The following MIS18BP1 variants were observed in gnomAD, a reference collection of about 807,000 sequenced individuals.
MIS18BP1 encodes the protein MIS18 binding protein 1, also known as mis18-binding protein 1.
Under a neutral mutation model 116.1 loss-of-function variants are expected in MIS18BP1, and 72 were observed. The ratio of observed to expected loss-of-function variants is 0.62; its 90% CI spans 0.51 to 0.75. The LOEUF is 0.75. Among genes scored for constraint, MIS18BP1 ranks in the 30% least tolerant of loss-of-function variants. The pLI is 0.00. For missense variants in MIS18BP1, 1,363 were observed against 1,303.2 expected (o/e 1.05, Z -0.71); for synonymous variants, 386 against 427.0 (o/e 0.90, Z 1.18).
At chr14:45,246,113 C>T (rs1158484302) in intron 2 of MIS18BP1, among the ~76,000 whole-genome samples, 2 of 152,160 alleles carry the variant, frequency 1.3e-5, no homozygotes, top group Non-Finnish European at 1.5e-5. Flanking sequence ...TCATTGTACA[C>T]AGTGGTTAAC....
At chr14:45,238,104 A>T (rs1427784470) in intron 4 of MIS18BP1, among the ~76,000 whole-genome samples, 1 of 146,778 alleles carries the variant, frequency 6.8e-6, no homozygotes, top group Non-Finnish European at 1.5e-5. Flanking sequence ...TTTGTCCTTA[A>T]AAAATTAAGA....
chr14:45,231,364 T>C (rs1891275130), intron 7 of MIS18BP1, 66 bp from the exon 8 acceptor site: 1 of 1,387,918 alleles, frequency 7.2e-7, no homozygotes, highest in Non-Finnish European at 9.7e-7. Flanking sequence ...AAAAAAAATC[T>C]TCATAAATAA....
intron 7 of MIS18BP1, among the ~76,000 whole-genome samples, chr14:45,232,176 G>C (rs1489879803): frequency 6.6e-6 from 1 of 151,988 alleles, no homozygotes; most frequent in Non-Finnish European, 1.5e-5. Flanking sequence ...CAGCACTTTG[G>C]GAGGCCAAGG....
intron 4 of MIS18BP1, among the ~76,000 whole-genome samples, 188 bp from the exon 5 acceptor site, chr14:45,237,909 A>G (rs947372250): frequency 6.6e-5 from 10 of 152,110 alleles, no homozygotes; most frequent in Non-Finnish European, 8.8e-5. Context: ...GAAACAGAAA[A>G]GAAAAGACTG....
chr14:45,209,390 C>T (rs545002947), intron 14 of MIS18BP1, among the ~76,000 whole-genome samples: 1 of 151,862 alleles, frequency 6.6e-6, no homozygotes, highest in Non-Finnish European at 1.5e-5. Context: ...GCAATTGTTG[C>T]AATCACAGCT....
In MIS18BP1 at chr14:45,218,401, G is replaced by A. The variant is rs548093620; in HGVS notation, c.2723C>T (p.Ala908Val). 1.8e-5 allele frequency: 29 copies of A among 1,613,686 alleles called. No homozygotes were observed. Among genetic ancestry groups the A allele is most frequent in the Admixed American group, 6.7e-5 (4 of 59,874 alleles). The change falls in exon 12 of 17, where the codon GCG becomes GTG. Residue 908 changes from alanine (A) to valine (V), a missense_variant. Coordinates refer to ENST00000310806, the MANE Select transcript of MIS18BP1 (RefSeq NM_018353.5). ...TTCAGGAGATCGAGAACCTACAGCCGCAGCTACCTCTGACCAGAAACCAGG... is the reference window on the plus strand; with the variant it reads ...TTCAGGAGATCGAGAACCTACAGCCACAGCTACCTCTGACCAGAAACCAGG... The part of the protein sequence containing the change: ...HKPGFWSEVA[A>V]AVGSRSPEEC...
intron 8 of MIS18BP1, among the ~76,000 whole-genome samples, chr14:45,228,523 C>T (rs985686398): frequency 6.6e-6 from 1 of 152,094 alleles, no homozygotes; most frequent in African/African-American, 2.4e-5. Context: ...TTATGTACTC[C>T]AATGTATAAC....
intron 14 of MIS18BP1, 152 bp downstream of exon 14, chr14:45,210,228 T>C (rs1890637857): frequency 2.8e-6 from 2 of 725,982 alleles, no homozygotes; most frequent in Middle Eastern, 4.0e-4. Flanking sequence ...TTTGATGAAC[T>C]TGTCCATCCT....
At chr14:45,213,304 A>G (rs1890726346) in intron 13 of MIS18BP1, among the ~76,000 whole-genome samples, 1 of 152,158 alleles carries the variant, frequency 6.6e-6, no homozygotes, top group Non-Finnish European at 1.5e-5. Flanking sequence ...GTATAGGTCT[A>G]AGGTGCTGAG....
chr14:45,240,575 G>C (rs753729900), intron 4 of MIS18BP1, among the ~76,000 whole-genome samples: 2 of 151,994 alleles, frequency 1.3e-5, no homozygotes, highest in African/African-American at 2.4e-5. Flanking sequence ...CTCCAACCAT[G>C]AATACACAGA....
At chr14:45,251,277 C>T (rs1010261451) in intron 1 of MIS18BP1, among the ~76,000 whole-genome samples, 1 of 151,932 alleles carries the variant, frequency 6.6e-6, no homozygotes, top group Non-Finnish European at 1.5e-5. Flanking sequence ...AGGTTTGAAG[C>T]CCAGAATAGG....
In MIS18BP1 at chr14:45,242,555, T is replaced by C. The variant is rs764150714; in HGVS notation, c.659-37A>G. The C allele has an allele frequency of 5.8e-6, 9 of 1,539,130 alleles. No homozygotes were observed. In the South Asian group the frequency reaches 1.2e-4, roughly 20 times the overall value. On this transcript the variant is annotated intron_variant, in intron 3 of 16. Transcript: ENST00000310806. ...ACAAAACAAAACAAAACAAAACAAT[T>C]ATAGAAGGATCACAGGAAATTAAAA...
intron 15 of MIS18BP1, 108 bp from the exon 16 acceptor site, chr14:45,204,561 C>A: frequency 2.9e-6 from 2 of 692,390 alleles, no homozygotes; most frequent in South Asian, 2.1e-5. Context: ...GAACATATGC[C>A]TATAACAACA....
intron 7 of MIS18BP1, chr14:45,232,364 C>G (rs1891305575): frequency 5.1e-6 from 1 of 195,574 alleles, no homozygotes; most frequent in Admixed American, 6.9e-5. Flanking sequence ...TTGCAATGAG[C>G]TGAGATCGCG....
intron 1 of MIS18BP1, among the ~76,000 whole-genome samples, chr14:45,248,087 CAG>C (rs1445986161): frequency 1.6e-5 from 2 of 123,138 alleles, no homozygotes; most frequent in African/African-American, 6.1e-5. Context: ...TTTTTGGAGA[CAG>C]AGTTTCCCTC....
intron 13 of MIS18BP1, among the ~76,000 whole-genome samples, chr14:45,214,459 C>T (rs1197964108): frequency 6.6e-6 from 1 of 152,184 alleles, no homozygotes; most frequent in African/African-American, 2.4e-5. Context: ...TACTGTCCTG[C>T]CATATCCCCC....
rs763149921 is a variant in MIS18BP1, at chr14:45,224,020, TC to T, written c.2566del (p.Glu856ArgfsTer3). The T allele has an allele frequency of 6.2e-7, 1 of 1,613,868 alleles. No individual in the cohort carries two copies. The highest frequency in any genetic ancestry group is 8.5e-7 in the Non-Finnish European group (1 of 1,179,944). ...ATTTGTCTTATCAGATCCTACTGCC[TC>T]AGTAATTGGAAACTCTTTCCTAACA... is the stretch of plus-strand genomic sequence containing the variant. ...SGVRKEFPIT[E>X]AVGSDKTNRH... On this transcript the variant is annotated frameshift_variant, in exon 11 of 17. Coordinates refer to ENST00000310806, the MANE Select transcript of MIS18BP1 (RefSeq NM_018353.5). LOFTEE classifies it high-confidence loss of function.
At chr14:45,236,387 T>C (rs1012906037) in intron 5 of MIS18BP1, among the ~76,000 whole-genome samples, 2 of 152,168 alleles carry the variant, frequency 1.3e-5, no homozygotes, top group African/African-American at 4.8e-5. Context: ...TGTTTTTACC[T>C]TTCATTTTGG....
intron 1 of MIS18BP1, among the ~76,000 whole-genome samples, chr14:45,252,136 G>C (rs1336380998): frequency 2.0e-5 from 3 of 152,110 alleles, no homozygotes; most frequent in Non-Finnish European, 2.9e-5. Flanking sequence ...AAGAGGAACC[G>C]ATTCTACCCG....
Sources: allele counts gnomAD v4.1 joint callset (sites outside exome capture counted in the v4.1 genomes callset), GRCh38; gene constraint gnomAD v4.1.1; transcripts MANE v1.5; gene names NCBI Gene and HGNC (gene_info 2026-07-23, HGNC 2026-07-21).